Variants in PCDHGA6 observed in about 807,000 individuals in gnomAD.
PCDHGA6 encodes the protein protocadherin gamma subfamily A, 6.
Under a neutral mutation model 60.6 loss-of-function variants are expected in PCDHGA6, and 41 were observed. The ratio of observed to expected loss-of-function variants is 0.68; its 90% CI spans 0.53 to 0.88. The LOEUF (loss-of-function observed/expected upper bound fraction) is 0.88, where lower values mean the gene tolerates loss of function less well. Among genes scored for constraint, PCDHGA6 ranks in the 40% least tolerant of loss-of-function variants. The pLI is 0.00. For missense variants in PCDHGA6, 1,312 were observed against 1,203.0 expected, an observed-to-expected ratio of 1.09 and a Z score of -1.34; for synonymous variants, 594 against 524.4, an observed-to-expected ratio of 1.13 and a Z score of -1.81.
chr5:141,461,355 G>A (rs993200082), intron 1 of PCDHGA6, among the ~76,000 whole-genome samples: 3 of 152,022 alleles, frequency 2.0e-5, no homozygotes, highest in Non-Finnish European at 2.9e-5. Flanking sequence ...GTGGTAGCTC[G>A]TTGTGGTTTT....
rs2099713635 is a variant in PCDHGA6, at chr5:141,491,418, T to C, written c.2425-3389T>C. The C allele has an allele frequency of 6.2e-7, 1 of 1,613,796 alleles. No individual in the cohort carries two copies. Among genetic ancestry groups the C allele is most frequent in the Non-Finnish European group, 8.5e-7 (1 of 1,179,944 alleles). On this transcript the variant is annotated intron_variant, in intron 1 of 3. Transcript: ENST00000517434. The surrounding 1 kb of genome is among the most constrained non-coding windows in gnomAD (Gnocchi z 6.9). The stretch of plus-strand genomic sequence containing the variant: ...AGGGAAACGCAGACGGGGACGGGGG[T>C]GGAGGGCAGTGCTGCAGGCGCCAGG...
In PCDHGA6 at chr5:141,434,786, T is replaced by A. The variant is rs867453805; in HGVS notation, c.2424+58279T>A. ...TTCACACTTCTAAAAAAAAAAAAAT[T>A]TTTTTTTCTGAGCTTGGAGAAATAT... On this transcript the variant is annotated intron_variant, in intron 1 of 3. Coordinates refer to ENST00000517434, the MANE Select transcript of PCDHGA6 (RefSeq NM_018919.3). 6.8e-4 allele frequency among the ~76,000 whole-genome samples: 102 copies of A among 150,682 alleles called. 1 individual carries two copies. The highest frequency in any genetic ancestry group is 1.8e-3 in the African/African-American group (72 of 40,898).
At position 141,394,582 on chromosome 5, in the gene PCDHGA6, A is replaced by C. The variant is rs1459158771; in HGVS notation, c.2424+18075A>C. The C allele has an allele frequency of 2.5e-6, 4 of 1,613,598 alleles. No individual in the cohort carries two copies. In the African/African-American group the frequency reaches 4.0e-5, roughly 16 times the overall value. ...GCAGAGCGTGGCTACCTGGTGACCA[A>C]GGTGGTGGCGGTGGACAGAGACTCG... On this transcript the variant is annotated intron_variant, in intron 1 of 3. Coordinates refer to ENST00000517434, the MANE Select transcript of PCDHGA6 (RefSeq NM_018919.3).
chr5:141,376,836 G>T, intron 1 of PCDHGA6: 1 of 252,676 alleles, frequency 4.0e-6, no homozygotes, highest in Admixed American at 5.1e-5. Context: ...ACAGGCGCCC[G>T]CCACCGCGCC....
In PCDHGA6 at chr5:141,432,827, A is replaced by G. The variant is rs758445645; in HGVS notation, c.2424+56320A>G. ...AGCTAACTCTGAAACCTCAGACCTC[A>G]CTCTGTACCTGGTGGTAGCGGTGGC... On this transcript the variant is annotated intron_variant, in intron 1 of 3. Transcript: ENST00000517434. The surrounding 1 kb of genome is among the most constrained non-coding windows in gnomAD (Gnocchi z 6.0). 9 of 1,613,142 alleles carry G rather than the reference A, an allele frequency of 5.6e-6. No individual in the cohort carries two copies. Among genetic ancestry groups the G allele is most frequent in the Admixed American group, 1.7e-5 (1 of 59,958 alleles).
chr5:141,453,067 C>A (rs1227122711), intron 1 of PCDHGA6, among the ~76,000 whole-genome samples: 1 of 152,024 alleles, frequency 6.6e-6, no homozygotes, highest in African/African-American at 2.4e-5. Context: ...AGAGTTTTGC[C>A]ACACTCTGGT....
chr5:141,383,239 A>T, intron 1 of PCDHGA6: 1 of 1,613,966 alleles, frequency 6.2e-7, no homozygotes, highest in South Asian at 1.1e-5. Flanking sequence ...GGAAGATAAA[A>T]TGAATCTTTA....
Position 141,486,734 on chromosome 5 carries a change from C to A in PCDHGA6, c.2425-8073C>A. ...CCAGACAGGAGCTGTTCATGCTACT[C>A]GATCCTTTGACTATGAGCAAACCCA... On this transcript the variant is annotated intron_variant, in intron 1 of 3. Transcript: ENST00000517434. The surrounding 1 kb of genome is among the most constrained non-coding windows in gnomAD (Gnocchi z 5.0). The A allele has an allele frequency of 1.2e-6, 2 of 1,614,188 alleles. No homozygotes were observed. Among genetic ancestry groups the A allele is most frequent in the Non-Finnish European group, 1.7e-6 (2 of 1,180,040 alleles).
chr5:141,477,890 C>T lies in PCDHGA6; in HGVS notation c.2425-16917C>T, dbSNP rs202114426. ...TACCTCAGCTGGCCACCTAGTGTCA[C>T]GGGTGGTAGGCTGGGACGCGGATGC... is the stretch of plus-strand genomic sequence containing the variant. On this transcript the variant is annotated intron_variant, in intron 1 of 3. Coordinates refer to ENST00000517434, the MANE Select transcript of PCDHGA6 (RefSeq NM_018919.3). This position sits in a 1 kb window ranked among gnomAD's most constrained non-coding sequence, Gnocchi z 4.9. 9.9e-6 allele frequency: 16 copies of T among 1,614,086 alleles called. No individual in the cohort carries two copies. Among genetic ancestry groups the T allele is most frequent in the Admixed American group, 1.7e-5 (1 of 60,006 alleles).
intron 1 of PCDHGA6, among the ~76,000 whole-genome samples, chr5:141,463,179 A>G (rs1261927835): frequency 6.6e-6 from 1 of 152,082 alleles, no homozygotes; most frequent in Non-Finnish European, 1.5e-5. Context: ...GTATGCTCAG[A>G]TTATTATTTA....
chr5:141,397,841 C>A (rs996938995), intron 1 of PCDHGA6: 31 of 520,424 alleles, frequency 6.0e-5, no homozygotes, highest in Middle Eastern at 4.9e-4. Context: ...AACTTGAAGC[C>A]GCAGAGGCTG....
rs2150230162 is a variant in PCDHGA6, at chr5:141,383,367, G to T, written c.2424+6860G>T. The T allele has an allele frequency of 1.9e-6, 3 of 1,614,030 alleles. No individual in the cohort carries two copies. The East Asian group carries it at 6.7e-5, about 36-fold the overall frequency. ...CTGGGGTTCGGTTTCCGTTAAGCGA[G>T]GCTGGGGATCCAGATGTGGGCACGA... On this transcript the variant is annotated intron_variant, in intron 1 of 3. Transcript: ENST00000517434.
intron 1 of PCDHGA6, chr5:141,398,003 A>C: frequency 1.4e-6 from 2 of 1,391,912 alleles, no homozygotes; most frequent in East Asian, 5.0e-5. Context: ...TCCTCGGAAA[A>C]AGAATCGTTT....
At chr5:141,438,633 TATACACACAC>T (rs1369232099) in intron 1 of PCDHGA6, among the ~76,000 whole-genome samples, 454 of 33,892 alleles carry the variant, frequency 0.013, 1 homozygote, top group Non-Finnish European at 0.019. Flanking sequence ...TATATATATA[TATACACACAC>T]ACACACACAT....
intron 1 of PCDHGA6, chr5:141,387,785 G>A: frequency 6.8e-7 from 1 of 1,472,108 alleles, no homozygotes; most frequent in Non-Finnish European, 9.1e-7. Flanking sequence ...AACTGGAACT[G>A]CAACTAAAGT....
chr5:141,409,143 G>C (rs778597273), intron 1 of PCDHGA6: 2 of 1,613,986 alleles, frequency 1.2e-6, no homozygotes, highest in Admixed American at 3.3e-5. Context: ...GATGTAGAAA[G>C]GTACACCATG....
At chr5:141,497,956 C>T (rs2099780659) in intron 2 of PCDHGA6, among the ~76,000 whole-genome samples, 1 of 152,214 alleles carries the variant, frequency 6.6e-6, no homozygotes, top group African/African-American at 2.4e-5. Flanking sequence ...TTCTGTTGGC[C>T]AGGCAGTGTT....
At chr5:141,394,740 G>C in intron 1 of PCDHGA6, 2 of 1,613,404 alleles carry the variant, frequency 1.2e-6, no homozygotes, top group Non-Finnish European at 1.7e-6. Context: ...GCAGAGCCTC[G>C]TGGTGGCCGT....
At position 141,389,844 on chromosome 5, in the gene PCDHGA6, G is replaced by A. The variant is rs558691778; in HGVS notation, c.2424+13337G>A. 80 of 1,614,014 alleles carry A rather than the reference G, an allele frequency of 5.0e-5. No homozygotes were observed. The Admixed American group carries it at 1.3e-3, about 27-fold the overall frequency. On this transcript the variant is annotated intron_variant, in intron 1 of 3. Coordinates refer to ENST00000517434, the MANE Select transcript of PCDHGA6 (RefSeq NM_018919.3). ...TGACGGTGGACAGCCACCACTCTCGGCCACTGCCACGTTGCACCTGGTCTT... is the reference window on the plus strand; with the variant it reads ...TGACGGTGGACAGCCACCACTCTCGACCACTGCCACGTTGCACCTGGTCTT...
Sources: allele counts gnomAD v4.1 joint callset (sites outside exome capture counted in the v4.1 genomes callset), GRCh38; gene constraint gnomAD v4.1.1; non-coding constraint Gnocchi (gnomAD v3.1); transcripts MANE v1.5; gene names NCBI Gene and HGNC (gene_info 2026-07-23, HGNC 2026-07-21).